Variants in KCMF1 observed in about 807,000 individuals in gnomAD.
KCMF1 encodes E3 ubiquitin-protein ligase KCMF1.
Under a neutral mutation model 41.1 loss-of-function variants are expected in KCMF1, and 3 were observed. The ratio of observed to expected loss-of-function variants is 0.07; its 90% CI spans 0.03 to 0.19. KCMF1 has a LOEUF of 0.19. Ranked by LOEUF, KCMF1 falls within the 10% of genes least tolerant of loss-of-function variation. The pLI, the probability that KCMF1 is intolerant of heterozygous loss-of-function variation, is 1.00. For missense variants in KCMF1, 286 were observed against 488.9 expected (o/e 0.58, Z 3.91); for synonymous variants, 142 against 164.5 (o/e 0.86, Z 1.04).
intron 1 of KCMF1, among the ~76,000 whole-genome samples, chr2:85,009,859 C>T (rs1055873417): frequency 6.6e-6 from 1 of 152,202 alleles, no homozygotes; most frequent in African/African-American, 2.4e-5. Context: ...AATTTAACTG[C>T]TTCTTAAAGA....
At chr2:85,023,483 T>A (rs1192688407) in intron 1 of KCMF1, among the ~76,000 whole-genome samples, 2 of 151,712 alleles carry the variant, frequency 1.3e-5, no homozygotes, top group African/African-American at 4.8e-5. Flanking sequence ...CACGCCTGGC[T>A]AATTTTTTTT....
At chr2:84,979,996 A>G (rs1418707106) in intron 1 of KCMF1, among the ~76,000 whole-genome samples, 1 of 135,354 alleles carries the variant, frequency 7.4e-6, no homozygotes, top group Non-Finnish European at 1.6e-5. Context: ...CTAATTTTGT[A>G]TTTTTTTTTT....
intron 1 of KCMF1, chr2:85,014,032 G>A (rs1420512858): frequency 6.6e-6 from 1 of 152,152 alleles, no homozygotes; most frequent in Non-Finnish European, 1.5e-5. Context: ...GTGCTCAGTG[G>A]TACACAGTCT....
chr2:85,008,538 C>T (rs921314774), intron 1 of KCMF1, among the ~76,000 whole-genome samples: 2 of 149,254 alleles, frequency 1.3e-5, no homozygotes, highest in Non-Finnish European at 3.0e-5. Flanking sequence ...ATTTAAATAG[C>T]GAAACTACCA....
intron 1 of KCMF1, among the ~76,000 whole-genome samples, chr2:85,026,527 G>C (rs910710170): frequency 1.3e-5 from 2 of 149,278 alleles, no homozygotes; most frequent in African/African-American, 5.0e-5. Context: ...GTCTTGTTCT[G>C]TTCCCAAGCT....
At chr2:85,017,548 G>A (rs1674809376) in intron 1 of KCMF1, among the ~76,000 whole-genome samples, 1 of 151,930 alleles carries the variant, frequency 6.6e-6, no homozygotes, top group African/African-American at 2.4e-5. Flanking sequence ...GAATAGAAAA[G>A]AGGCCCTCCC....
At chr2:85,024,525 C>CTTA (rs1383240580) in intron 1 of KCMF1, among the ~76,000 whole-genome samples, 5 of 149,156 alleles carry the variant, frequency 3.4e-5, no homozygotes, top group African/African-American at 1.2e-4. Context: ...CGTAGTTGGA[C>CTTA]TTATCTCTTA....
intron 1 of KCMF1, among the ~76,000 whole-genome samples, chr2:84,984,372 A>G (rs923320727): frequency 6.6e-6 from 1 of 152,126 alleles, no homozygotes; most frequent in Non-Finnish European, 1.5e-5. Context: ...AAGTGCTACG[A>G]TTACAGATGT....
At chr2:85,020,408 C>G (rs140218756) in intron 1 of KCMF1, among the ~76,000 whole-genome samples, 9 of 152,096 alleles carry the variant, frequency 5.9e-5, no homozygotes, top group Non-Finnish European at 8.8e-5. Flanking sequence ...CTTAAAGCAT[C>G]GTCATGCATG....
chr2:85,051,269 G>A (rs1041172845), intron 6 of KCMF1, among the ~76,000 whole-genome samples: 1 of 152,144 alleles, frequency 6.6e-6, no homozygotes, highest in African/African-American at 2.4e-5. Context: ...TTCCCCATAG[G>A]GACTGACCAG....
intron 1 of KCMF1, among the ~76,000 whole-genome samples, chr2:85,024,730 T>A (rs1013938899): frequency 6.6e-6 from 1 of 152,184 alleles, no homozygotes; most frequent in Non-Finnish European, 1.5e-5. Context: ...CTTTAAACCA[T>A]GTGGAATTGA....
chr2:84,971,556 GC>G, intron 1 of KCMF1, 89 bp downstream of exon 1: 1 of 751,108 alleles, frequency 1.3e-6, no homozygotes, highest in Non-Finnish European at 1.7e-6. Context: ...CCGGGAAGCG[GC>G]GGAGACTTTG....
At chr2:85,003,941 C>T (rs1456206747) in intron 1 of KCMF1, among the ~76,000 whole-genome samples, 1 of 152,032 alleles carries the variant, frequency 6.6e-6, no homozygotes, top group African/African-American at 2.4e-5. Context: ...GACATTTTTC[C>T]AAGACCACCC....
Position 84,971,486 on chromosome 2 carries a change from C to G in KCMF1, c.16+19C>G. Reference sequence around the variant, plus strand: ...CATGAAGGTGAGAGGAGCCCCCGCCCCCACCCGCACCTCCCGGGCCTCGGC... The same window carrying G: ...CATGAAGGTGAGAGGAGCCCCCGCCGCCACCCGCACCTCCCGGGCCTCGGC... On this transcript the variant is annotated intron_variant, in intron 1 of 6. Transcript: ENST00000409785. 1 of 1,242,032 alleles carries G rather than the reference C, an allele frequency of 8.1e-7. No individual in the cohort carries two copies. The highest frequency in any genetic ancestry group is 2.0e-5 in the South Asian group (1 of 50,102). The allele number at this position is 1,242,032 out of a possible 1,614,324, so 76.9% of individuals were successfully genotyped here.
chr2:85,028,243 C>T (rs987855564), intron 2 of KCMF1, among the ~76,000 whole-genome samples, 187 bp downstream of exon 2: 38 of 152,048 alleles, frequency 2.5e-4, no homozygotes, highest in African/African-American at 7.7e-4. Context: ...AGTGCAATGG[C>T]GCGATCTTGG....
At chr2:84,984,092 A>G (rs1388194920) in intron 1 of KCMF1, among the ~76,000 whole-genome samples, 1 of 152,186 alleles carries the variant, frequency 6.6e-6, no homozygotes, top group Non-Finnish European at 1.5e-5. Context: ...AAAGTAGCTC[A>G]TACTCTGGCT....
Position 85,054,459 on chromosome 2 carries a change from C to G in KCMF1, c.*1050C>G, listed in dbSNP as rs753744892. ...CAAATTCTTAATGCTAATTTTAGCA[C>G]CTTTTATTTATTGGGTTTTTTCTGG... On this transcript the variant is annotated 3_prime_UTR_variant, in exon 7 of 7. Coordinates refer to ENST00000409785, the MANE Select transcript of KCMF1 (RefSeq NM_020122.5). The G allele has an allele frequency of 1.3e-5, 2 of 152,062 alleles. No individual in the cohort carries two copies. Among genetic ancestry groups the G allele is most frequent in the Non-Finnish European group, 2.9e-5 (2 of 68,016 alleles). 9.4% of individuals were successfully genotyped at this position (152,062 alleles called of 1,614,324 possible). A position where few individuals can be genotyped will look rare whatever the true frequency, so the allele number is the denominator to read the frequency against.
rs569964401 is a variant in KCMF1, at chr2:85,020,354, A to G, written c.17-7535A>G. ...TAAACTTTCATTTGTGAACCTAAAT[A>G]GATATCATAGGTATCTCCCCCCATT... is the stretch of plus-strand genomic sequence containing the variant. On this transcript the variant is annotated intron_variant, in intron 1 of 6. Coordinates refer to ENST00000409785, the MANE Select transcript of KCMF1 (RefSeq NM_020122.5). Among the ~76,000 whole-genome samples the G allele has an allele frequency of 9.2e-5, 14 of 152,360 alleles. No individual in the cohort carries two copies. The South Asian group carries it at 1.7e-3, about 18-fold the overall frequency.
chr2:85,038,338 A>G (rs759905199), intron 3 of KCMF1, among the ~76,000 whole-genome samples: 1 of 152,204 alleles, frequency 6.6e-6, no homozygotes, highest in Non-Finnish European at 1.5e-5. Flanking sequence ...CTTTATTTAT[A>G]TTGGCAAAAT....
Sources: gnomAD v4.1 joint callset for allele counts (sites outside exome capture counted in the v4.1 genomes callset) on GRCh38, gnomAD v4.1.1 for gene constraint, MANE v1.5 for transcripts, NCBI Gene and HGNC (gene_info 2026-07-23, HGNC 2026-07-21) for gene names.